Variants in RHEX observed in about 807,000 individuals in gnomAD.
The protein encoded by RHEX is regulator of hemoglobinization and erythroid cell expansion protein.
Under a neutral mutation model 20.1 loss-of-function variants are expected in RHEX, and 18 were observed. That is an observed-to-expected ratio of 0.90 (90% confidence interval 0.62 to 1.33). The LOEUF (loss-of-function observed/expected upper bound fraction) is 1.33, where lower values mean the gene tolerates loss of function less well. Ranked by LOEUF, RHEX falls within the 40% of genes most tolerant of loss-of-function variation. RHEX has a pLI of 0.00. For missense variants in RHEX, 192 were observed against 214.3 expected, an observed-to-expected ratio of 0.90 and a Z score of 0.65; for synonymous variants, 87 against 77.1, an observed-to-expected ratio of 1.13 and a Z score of -0.67.
intron 1 of RHEX, among the ~76,000 whole-genome samples, chr1:206,088,303 G>A (rs1662877554): frequency 6.6e-6 from 1 of 152,074 alleles, no homozygotes; most frequent in African/African-American, 2.4e-5. Context: ...TATGAATAAA[G>A]TGCATTTAAA....
intron 1 of RHEX, among the ~76,000 whole-genome samples, chr1:206,090,562 C>A (rs1662929504): frequency 6.6e-6 from 1 of 151,870 alleles, no homozygotes; most frequent in South Asian, 2.1e-4. Context: ...TTGTGTTTTC[C>A]CAGATACATT....
At chr1:206,082,928 T>C (rs1662766870) in intron 1 of RHEX, among the ~76,000 whole-genome samples, 2 of 152,250 alleles carry the variant, frequency 1.3e-5, no homozygotes, top group Admixed American at 1.3e-4. Context: ...TTTGGGATTT[T>C]AGGCCCTCCA....
intron 1 of RHEX, chr1:206,083,666 G>GGA: frequency 1.0e-6 from 1 of 980,556 alleles, no homozygotes; most frequent in Non-Finnish European, 1.2e-6. Flanking sequence ...TACTGTCTAT[G>GGA]GAGACAGGAT....
In RHEX at chr1:206,097,718, C is replaced by T; in HGVS notation, c.-96-15C>T. On this transcript the variant is annotated splice_polypyrimidine_tract_variant and intron_variant, in intron 1 of 5. Transcript: ENST00000331555. ...AAGAGCCCTGGAGTCCTGACCAGCT[C>T]CTTACCTCTTGCAGATCTCCAGCAC... 3.1e-6 allele frequency: 5 copies of T among 1,590,404 alleles called. No homozygotes were observed. The highest frequency in any genetic ancestry group is 4.3e-6 in the Non-Finnish European group (5 of 1,159,782).
chr1:206,064,148 C>G (rs1479535121), intron 1 of RHEX, among the ~76,000 whole-genome samples: 1 of 147,732 alleles, frequency 6.8e-6, no homozygotes, highest in Non-Finnish European at 1.5e-5. Context: ...AGGAGACCCT[C>G]CGCCCGGCAG....
At chr1:206,094,807 C>G (rs111758011) in intron 1 of RHEX, among the ~76,000 whole-genome samples, 4 of 152,122 alleles carry the variant, frequency 2.6e-5, no homozygotes, top group African/African-American at 9.7e-5. Flanking sequence ...CTCGCTATCC[C>G]AAAGTGTACG....
At chr1:206,068,580 G>A (rs879995117) in intron 1 of RHEX, among the ~76,000 whole-genome samples, 27 of 152,182 alleles carry the variant, frequency 1.8e-4, no homozygotes, top group African/African-American at 2.4e-4. Flanking sequence ...ACTCAGAGTC[G>A]AAGTGACCTT....
At chr1:206,094,480 C>G (rs28551097) in intron 1 of RHEX, among the ~76,000 whole-genome samples, 4 of 152,092 alleles carry the variant, frequency 2.6e-5, no homozygotes, top group Non-Finnish European at 5.9e-5. Context: ...CTGAGTGCCT[C>G]GTATATGCCT....
At chr1:206,076,608 A>G (rs1481763553) in intron 1 of RHEX, among the ~76,000 whole-genome samples, 1 of 152,214 alleles carries the variant, frequency 6.6e-6, no homozygotes, top group Non-Finnish European at 1.5e-5. Context: ...TGAAATTCTC[A>G]TCAAAAATGT....
intron 3 of RHEX, among the ~76,000 whole-genome samples, chr1:206,099,135 G>A (rs1280141414): frequency 6.6e-6 from 1 of 152,172 alleles, no homozygotes; most frequent in East Asian, 1.9e-4. Flanking sequence ...AGCCAGAGAG[G>A]AAGGAGGAGT....
intron 1 of RHEX, among the ~76,000 whole-genome samples, chr1:206,053,631 A>G (rs1662115537): frequency 6.6e-6 from 1 of 152,242 alleles, no homozygotes; most frequent in Admixed American, 6.5e-5. Flanking sequence ...GGGAGATTAC[A>G]GTGTTACTGT....
intron 1 of RHEX, among the ~76,000 whole-genome samples, chr1:206,068,236 G>A (rs1571857639): frequency 6.6e-6 from 1 of 152,152 alleles, no homozygotes; most frequent in Admixed American, 6.5e-5. Flanking sequence ...AAATGTAAAA[G>A]TAGGTTCAAG....
At chr1:206,057,255 CAGG>C (rs1276762019) in intron 1 of RHEX, among the ~76,000 whole-genome samples, 1 of 152,266 alleles carries the variant, frequency 6.6e-6, no homozygotes, top group Admixed American at 6.5e-5. Flanking sequence ...GGAACCGTAA[CAGG>C]AGATCAATGG....
chr1:206,085,737 T>A lies in RHEX; in HGVS notation c.-96-11996T>A, dbSNP rs141322935. Among the ~76,000 whole-genome samples, 28 of 152,292 alleles carry A rather than the reference T, an allele frequency of 1.8e-4. No homozygotes were observed. In the East Asian group the frequency reaches 5.0e-3, roughly 27 times the overall value. ...CTTTTGAATCTCACTTTTTAGTCCA[T>A]TTCAGAAAAATTCTAAAATAACAAA... On this transcript the variant is annotated intron_variant, in intron 1 of 5. Transcript: ENST00000331555.
At chr1:206,058,301 T>C (rs1327873269) in intron 1 of RHEX, among the ~76,000 whole-genome samples, 1 of 152,218 alleles carries the variant, frequency 6.6e-6, no homozygotes, top group African/African-American at 2.4e-5. Flanking sequence ...TAACCTTAGT[T>C]CACCAAAATG....
intron 1 of RHEX, among the ~76,000 whole-genome samples, chr1:206,072,652 T>C (rs907310645): frequency 1.3e-5 from 2 of 152,170 alleles, no homozygotes; most frequent in Admixed American, 1.3e-4. Context: ...AAAATATGTT[T>C]CTGGGCATAG....
Position 206,096,223 on chromosome 1 carries a change from A to G in RHEX, c.-96-1510A>G, listed in dbSNP as rs28571597. 9.8e-3 allele frequency among the ~76,000 whole-genome samples: 1,496 copies of G among 152,346 alleles called. 123 individuals carry two copies. The East Asian group carries it at 0.21, about 21-fold the overall frequency. On this transcript the variant is annotated intron_variant, in intron 1 of 5. Transcript: ENST00000331555. ...CTAGTTGTGTAATTTTAAATAAATA[A>G]AGTAGAAGAGGAGCCTTAAAAAATA...
intron 1 of RHEX, among the ~76,000 whole-genome samples, chr1:206,064,763 C>T (rs1236873237): frequency 2.6e-5 from 4 of 152,098 alleles, no homozygotes; most frequent in African/African-American, 9.7e-5. Flanking sequence ...GCCACCGCCC[C>T]GTCTGGGAGG....
intron 1 of RHEX, chr1:206,060,680 G>T (rs1377194862): frequency 6.6e-6 from 1 of 152,382 alleles, no homozygotes; most frequent in African/African-American, 2.4e-5. Flanking sequence ...ACCAAAGCCA[G>T]CCAGAGCAGC....
Sources: allele counts gnomAD v4.1 joint callset (sites outside exome capture counted in the v4.1 genomes callset), GRCh38; gene constraint gnomAD v4.1.1; transcripts MANE v1.5; gene names NCBI Gene and HGNC (gene_info 2026-07-23, HGNC 2026-07-21).